Variants in DNAJC5B observed in about 807,000 individuals in gnomAD.
The protein encoded by DNAJC5B is dnaJ homolog subfamily C member 5B.
DNAJC5B carries 23 observed loss-of-function variants against 24.7 expected under a neutral mutation model. That is an observed-to-expected ratio of 0.93 (90% confidence interval 0.67 to 1.32). The LOEUF (loss-of-function observed/expected upper bound fraction) is 1.32, where lower values mean the gene tolerates loss of function less well. DNAJC5B is among the 40% of genes most tolerant of loss of function. The pLI, the probability that DNAJC5B is intolerant of heterozygous loss-of-function variation, is 0.00. For missense variants in DNAJC5B, 238 were observed against 240.8 expected (o/e 0.99, Z 0.08); for synonymous variants, 101 against 90.1 (o/e 1.12, Z -0.68).
At chr8:66,057,183 A>C (rs1806985047) in intron 3 of DNAJC5B, 1 of 152,184 alleles carries the variant, frequency 6.6e-6, no homozygotes, top group Non-Finnish European at 1.5e-5. Flanking sequence ...AAATTCAACA[A>C]GTAACGACAA....
intron 2 of DNAJC5B, among the ~76,000 whole-genome samples, chr8:66,047,311 T>C (rs1806742716): frequency 6.6e-6 from 1 of 152,194 alleles, no homozygotes; most frequent in Non-Finnish European, 1.5e-5. Context: ...CCGCATTTGT[T>C]TTTCTCTGCC....
At chr8:66,063,814 C>G (rs992749299) in intron 3 of DNAJC5B, among the ~76,000 whole-genome samples, 1 of 152,146 alleles carries the variant, frequency 6.6e-6, no homozygotes, top group African/African-American at 2.4e-5. Context: ...ACCCTATGCT[C>G]AAGTTCATCT....
chr8:66,075,572 A>G (rs1188731008), intron 3 of DNAJC5B, among the ~76,000 whole-genome samples: 1 of 152,244 alleles, frequency 6.6e-6, no homozygotes, highest in Admixed American at 6.5e-5. Flanking sequence ...ATTTATAAAT[A>G]CCCCAGATAT....
chr8:66,082,563 C>T (rs1243212963), intron 5 of DNAJC5B, among the ~76,000 whole-genome samples: 1 of 152,096 alleles, frequency 6.6e-6, no homozygotes, highest in East Asian at 1.9e-4. Context: ...CTCTGACACC[C>T]CAGAGCTATC....
At chr8:66,051,305 G>A (rs1043220402) in intron 2 of DNAJC5B, among the ~76,000 whole-genome samples, 18 of 152,144 alleles carry the variant, frequency 1.2e-4, no homozygotes, top group Non-Finnish European at 1.6e-4. Context: ...CTATTTAACC[G>A]TGTGGAGAAA....
intron 3 of DNAJC5B, among the ~76,000 whole-genome samples, chr8:66,063,573 TC>T (rs1161416800): frequency 5.9e-5 from 9 of 152,212 alleles, no homozygotes; most frequent in Non-Finnish European, 1.3e-4. Context: ...AGAGTTGTCT[TC>T]CGGTGGGCTG....
At chr8:66,032,487 C>T (rs999313412) in intron 1 of DNAJC5B, among the ~76,000 whole-genome samples, 1 of 152,198 alleles carries the variant, frequency 6.6e-6, no homozygotes, top group Non-Finnish European at 1.5e-5. Flanking sequence ...GTTCTTCTCA[C>T]CACCCCACTC....
chr8:66,065,047 A>G (rs1807161265), intron 3 of DNAJC5B, among the ~76,000 whole-genome samples: 1 of 152,246 alleles, frequency 6.6e-6, no homozygotes, highest in Non-Finnish European at 1.5e-5. Context: ...ACATTCTAGT[A>G]AAAATGTGGG....
chr8:66,017,946 A>C (rs547198341), upstream of DNAJC5B, among the ~76,000 whole-genome samples: 1 of 152,348 alleles, frequency 6.6e-6, no homozygotes, highest in South Asian at 2.1e-4. Flanking sequence ...ATTCCTTTCT[A>C]TACCAATTCT....
At chr8:66,096,192 C>T (rs1314841814) in intron 5 of DNAJC5B, among the ~76,000 whole-genome samples, 1 of 152,110 alleles carries the variant, frequency 6.6e-6, no homozygotes, top group Non-Finnish European at 1.5e-5. Context: ...GTTCATCTCC[C>T]TATGATTTCA....
At chr8:66,043,160 T>C (rs1269807686) in intron 1 of DNAJC5B, among the ~76,000 whole-genome samples, 2 of 152,192 alleles carry the variant, frequency 1.3e-5, no homozygotes, top group African/African-American at 2.4e-5. Flanking sequence ...GGTTAATAAA[T>C]AGTGAGCAGT....
intron 3 of DNAJC5B, among the ~76,000 whole-genome samples, chr8:66,053,934 C>A (rs114632758): frequency 9.7e-4 from 130 of 134,348 alleles, no homozygotes; most frequent in African/African-American, 4.0e-3. Flanking sequence ...TGGCCTACTA[C>A]CCTTTTTTTT....
At chr8:66,068,032 A>T (rs2128962388) in intron 3 of DNAJC5B, among the ~76,000 whole-genome samples, 1 of 152,356 alleles carries the variant, frequency 6.6e-6, no homozygotes, top group South Asian at 2.1e-4. Context: ...CTTGATCTTT[A>T]ATATTGGATT....
At chr8:66,022,616 C>G (rs951177879) in intron 1 of DNAJC5B, among the ~76,000 whole-genome samples, 2 of 152,234 alleles carry the variant, frequency 1.3e-5, no homozygotes, top group African/African-American at 4.8e-5. Context: ...GATGGATTCT[C>G]TATCCACAGG....
At chr8:66,086,798 A>G (rs1424810715) in intron 5 of DNAJC5B, among the ~76,000 whole-genome samples, 3 of 152,176 alleles carry the variant, frequency 2.0e-5, no homozygotes, top group South Asian at 2.1e-4. Context: ...TTAATTTTTC[A>G]TACATGAGCA....
In DNAJC5B at chr8:66,101,142, T is replaced by G. The variant is rs1301353216; in HGVS notation, c.*1111T>G. Among the ~76,000 whole-genome samples the G allele has an allele frequency of 6.6e-6, 1 of 152,214 alleles. No individual in the cohort carries two copies. The highest frequency in any genetic ancestry group is 1.5e-5 in the Non-Finnish European group (1 of 68,026). On this transcript the variant is annotated 3_prime_UTR_variant, in exon 6 of 6. Transcript: ENST00000276570. ...CCTTTATCTTTTTTCTTGTTTCTTA[T>G]TCCCACCCAAAAAATTATAGTTAAT...
intron 2 of DNAJC5B, among the ~76,000 whole-genome samples, chr8:66,046,361 C>T (rs571673127): frequency 1.3e-5 from 2 of 152,288 alleles, no homozygotes; most frequent in Middle Eastern, 3.4e-3. Context: ...GGCCCCTCAC[C>T]GTGGACAGAG....
At chr8:66,024,624 T>G (rs1303996202) in intron 1 of DNAJC5B, among the ~76,000 whole-genome samples, 1 of 86,596 alleles carries the variant, frequency 1.2e-5, no homozygotes, top group Non-Finnish European at 2.2e-5. Context: ...CCCCTTCCTG[T>G]GTCCATGTGA....
chr8:66,097,591 G>GTT (rs1807982080), intron 5 of DNAJC5B, among the ~76,000 whole-genome samples: 1 of 149,772 alleles, frequency 6.7e-6, no homozygotes, highest in Non-Finnish European at 1.5e-5. Flanking sequence ...TCTGATAACT[G>GTT]TTTCTGCCTG....
Sources: allele counts gnomAD v4.1 joint callset (sites outside exome capture counted in the v4.1 genomes callset), GRCh38; gene constraint gnomAD v4.1.1; transcripts MANE v1.5; gene names NCBI Gene and HGNC (gene_info 2026-07-23, HGNC 2026-07-21).